The following MATN2 variants were observed in gnomAD, a reference collection of about 807,000 sequenced individuals.
The protein encoded by MATN2 is matrilin 2.
MATN2 carries 69 observed loss-of-function variants against 103.2 expected under a neutral mutation model. That is an observed-to-expected ratio of 0.67 (90% CI 0.55 to 0.82). MATN2 has a LOEUF of 0.82. MATN2 is among the 40% of genes least tolerant of loss of function. MATN2 has a pLI of 0.00. For synonymous variants in MATN2, 429 were observed against 450.2 expected (o/e 0.95, Z 0.60); for missense variants, 1,023 against 1,211.5 (o/e 0.84, Z 2.31).
intron 15 of MATN2, 57 bp from the exon 16 acceptor site, chr8:98,032,189 A>C: frequency 7.0e-7 from 1 of 1,419,158 alleles, no homozygotes; most frequent in Non-Finnish European, 9.8e-7. Flanking sequence ...CTTCCTGAAG[A>C]ACACACACAT....
At chr8:97,917,361 T>C (rs1586412041) in intron 2 of MATN2, among the ~76,000 whole-genome samples, 1 of 152,224 alleles carries the variant, frequency 6.6e-6, no homozygotes, top group South Asian at 2.1e-4. Flanking sequence ...AATTCTGAAA[T>C]TTCAGCTTTT....
intron 4 of MATN2, among the ~76,000 whole-genome samples, chr8:97,951,306 T>C (rs1810944339): frequency 6.7e-6 from 1 of 149,036 alleles, no homozygotes; most frequent in Non-Finnish European, 1.5e-5. Context: ...AGAACTGAGC[T>C]GACTAAATGT....
At chr8:97,994,713 C>T in intron 7 of MATN2, 111 bp downstream of exon 7, 1 of 1,183,328 alleles carries the variant, frequency 8.5e-7, no homozygotes, top group Non-Finnish European at 1.2e-6. Flanking sequence ...AGCATTGTGT[C>T]TATTAACATT....
chr8:97,888,531 G>C (rs1818521916), intron 2 of MATN2, among the ~76,000 whole-genome samples: 1 of 152,144 alleles, frequency 6.6e-6, no homozygotes, highest in Non-Finnish European at 1.5e-5. Flanking sequence ...CTTGTTGTTG[G>C]ACCTATCTGA....
chr8:97,967,263 A>G (rs557343889), intron 5 of MATN2, among the ~76,000 whole-genome samples: 1 of 152,142 alleles, frequency 6.6e-6, no homozygotes, highest in Non-Finnish European at 1.5e-5. Flanking sequence ...AAACCATATT[A>G]TTCCACTCCT....
intron 2 of MATN2, among the ~76,000 whole-genome samples, chr8:97,920,331 CT>C (rs1303696603): frequency 6.6e-6 from 1 of 152,182 alleles, no homozygotes; most frequent in Admixed American, 6.5e-5. Context: ...CCTCAGCCTC[CT>C]GAGTAGCTGG....
chr8:98,032,402 T>A lies in MATN2; in HGVS notation c.2581+85T>A, dbSNP rs928380830. On this transcript the variant is annotated intron_variant, in intron 16 of 18. Coordinates refer to ENST00000254898, the MANE Select transcript of MATN2 (RefSeq NM_002380.5). ...CAGATAAAAGCTGTAAAGAAGTGAA[T>A]GTAAGTATGTTCAAATTATGATAAT... 1.1e-5 allele frequency: 11 copies of A among 997,720 alleles called. No homozygotes were observed. In the Admixed American group the frequency reaches 2.5e-4, roughly 23 times the overall value. The allele number at this position is 997,720 out of a possible 1,614,324, so 61.8% of individuals were successfully genotyped here. A position where few individuals can be genotyped will look rare whatever the true frequency, so the allele number is the denominator to read the frequency against.
At position 97,902,452 on chromosome 8, in the gene MATN2, G is replaced by T. The variant is rs181522156; in HGVS notation, c.142+14210G>T. 4.1e-5 allele frequency among the ~76,000 whole-genome samples: 6 copies of T among 147,532 alleles called. No homozygotes were observed. The East Asian group carries it at 1.2e-3, about 30-fold the overall frequency. On this transcript the variant is annotated intron_variant, in intron 2 of 18. Coordinates refer to ENST00000254898, the MANE Select transcript of MATN2 (RefSeq NM_002380.5). Reference sequence around the variant, plus strand: ...GTGGAGGTTGCAGTGAGCCGAGATCGCACCATTGCACTCCAGCCCAGGCAA... The same window carrying T: ...GTGGAGGTTGCAGTGAGCCGAGATCTCACCATTGCACTCCAGCCCAGGCAA...
At position 98,005,282 on chromosome 8, in the gene MATN2, C is replaced by T. The variant is rs577961999; in HGVS notation, c.1327+1499C>T. Among the ~76,000 whole-genome samples, 11 of 152,364 alleles carry T rather than the reference C, an allele frequency of 7.2e-5. No individual in the cohort carries two copies. Among genetic ancestry groups the T allele is most frequent in the African/African-American group, 2.6e-4 (11 of 41,582 alleles). Reference sequence around the variant, plus strand: ...AAAGTCAGTGCCTGCTGTACGTTGCCTCTGCATGTCTCTGAGTCCTTTTGA... The same window carrying T: ...AAAGTCAGTGCCTGCTGTACGTTGCTTCTGCATGTCTCTGAGTCCTTTTGA... On this transcript the variant is annotated intron_variant, in intron 8 of 18. Coordinates refer to ENST00000254898, the MANE Select transcript of MATN2 (RefSeq NM_002380.5). The surrounding 1 kb of genome is among the most constrained non-coding windows in gnomAD (Gnocchi z 4.6).
intron 13 of MATN2, among the ~76,000 whole-genome samples, chr8:98,024,578 G>C (rs765946915): frequency 4.6e-5 from 7 of 152,240 alleles, no homozygotes; most frequent in Non-Finnish European, 8.8e-5. Context: ...GGTGTCCAAA[G>C]ATGGGGCTTT....
At chr8:97,989,408 G>C (rs1021259492) in intron 6 of MATN2, among the ~76,000 whole-genome samples, 7 of 150,614 alleles carry the variant, frequency 4.6e-5, no homozygotes, top group Non-Finnish European at 8.8e-5. Context: ...GGCAGAGCTT[G>C]CAGTGAGCCG....
At chr8:97,914,569 G>T (rs922928596) in intron 2 of MATN2, among the ~76,000 whole-genome samples, 2 of 151,294 alleles carry the variant, frequency 1.3e-5, no homozygotes, top group African/African-American at 4.9e-5. Flanking sequence ...TAGAGAGGGG[G>T]TCTCAAACTC....
rs149934221 is a variant in MATN2 at position 97,883,001 on chromosome 8, G to A, written c.-26-5074G>A. Among the ~76,000 whole-genome samples the A allele has an allele frequency of 3.5e-3, 525 of 152,160 alleles. 1 individual carries two copies. Among genetic ancestry groups the A allele is most frequent in the Middle Eastern group, 6.8e-3 (2 of 294 alleles). The stretch of plus-strand genomic sequence containing the variant: ...TGGGTTTATCCTCTTCTAATTGAGT[G>A]ATAAGAGTTTACATAGTCCCGGCCA... On this transcript the variant is annotated intron_variant, in intron 1 of 18. Transcript: ENST00000254898.
intron 2 of MATN2, among the ~76,000 whole-genome samples, chr8:97,916,289 C>T (rs1169080754): frequency 7.2e-5 from 11 of 152,072 alleles, no homozygotes; most frequent in Admixed American, 3.3e-4. Context: ...AGGCTGGTCT[C>T]GAACTCCTGG....
At chr8:98,023,898 G>A (rs1408702462) in intron 13 of MATN2, among the ~76,000 whole-genome samples, 2 of 152,180 alleles carry the variant, frequency 1.3e-5, no homozygotes, top group Non-Finnish European at 2.9e-5. Flanking sequence ...CAGGGACATG[G>A]ATGGAACTGG....
chr8:97,963,743 G>C (rs959839386), intron 5 of MATN2, among the ~76,000 whole-genome samples: 30 of 152,108 alleles, frequency 2.0e-4, no homozygotes, highest in African/African-American at 5.6e-4. Context: ...TGCAACCCAG[G>C]TCTCCTCCGT....
chr8:98,027,238 C>T (rs760152998), intron 13 of MATN2, among the ~76,000 whole-genome samples, 178 bp from the exon 14 acceptor site: 10 of 152,064 alleles, frequency 6.6e-5, no homozygotes, highest in East Asian at 5.8e-4. Context: ...TAAAAGTATA[C>T]GTGAAAATTA....
At chr8:97,920,218 T>G (rs193038220) in intron 2 of MATN2, among the ~76,000 whole-genome samples, 65 of 152,290 alleles carry the variant, frequency 4.3e-4, no homozygotes, top group Admixed American at 1.8e-3. Context: ...ATGTATGTAT[T>G]TATTTATGAG....
intron 7 of MATN2, among the ~76,000 whole-genome samples, chr8:97,996,484 T>C (rs1812592695): frequency 6.6e-6 from 1 of 152,188 alleles, no homozygotes. Flanking sequence ...TCCATGTATA[T>C]TCAGTGGGTA....
Sources: allele counts gnomAD v4.1 joint callset (sites outside exome capture counted in the v4.1 genomes callset), GRCh38; gene constraint gnomAD v4.1.1; non-coding constraint Gnocchi (gnomAD v3.1); transcripts MANE v1.5; gene names NCBI Gene and HGNC (gene_info 2026-07-23, HGNC 2026-07-21).